Variants in FYN observed in about 807,000 individuals in gnomAD.
The protein encoded by FYN is tyrosine-protein kinase Fyn.
Under a neutral mutation model 70.2 loss-of-function variants are expected in FYN, and 10 were observed. That is an observed-to-expected ratio of 0.14 (90% confidence interval 0.09 to 0.24). The LOEUF (loss-of-function observed/expected upper bound fraction) is 0.24. FYN is among the 10% of genes least tolerant of loss of function. The probability of loss-of-function intolerance (pLI) is 1.00; values close to 1 mark genes in which losing one functional copy is unlikely to be tolerated. For missense variants in FYN, 319 were observed against 673.1 expected, an observed-to-expected ratio of 0.47 and a Z score of 5.82; for synonymous variants, 236 against 248.6, an observed-to-expected ratio of 0.95 and a Z score of 0.48.
chr6:111,744,970 T>C (rs1172562534), intron 3 of FYN, among the ~76,000 whole-genome samples: 1 of 152,018 alleles, frequency 6.6e-6, no homozygotes, highest in East Asian at 1.9e-4. Flanking sequence ...CTTGGAAAAA[T>C]AAAGCAAGGA....
intron 3 of FYN, among the ~76,000 whole-genome samples, chr6:111,771,751 T>G (rs1164128492): frequency 6.6e-6 from 1 of 152,214 alleles, no homozygotes; most frequent in East Asian, 1.9e-4. Flanking sequence ...AAAGTCGGAA[T>G]GGTTAACATA....
intron 3 of FYN, among the ~76,000 whole-genome samples, chr6:111,747,459 A>G (rs896652684): frequency 1.3e-5 from 2 of 152,240 alleles, no homozygotes; most frequent in African/African-American, 2.4e-5. Context: ...ATAACATCTA[A>G]AAAGTGTATT....
intron 3 of FYN, among the ~76,000 whole-genome samples, chr6:111,768,341 T>C (rs565774477): frequency 6.6e-6 from 1 of 152,370 alleles, no homozygotes; most frequent in South Asian, 2.1e-4. Flanking sequence ...GTTTCAACTG[T>C]GAGTTTGTCT....
At position 111,723,114 on chromosome 6, in the gene FYN, A is replaced by G. The variant is rs150642206; in HGVS notation, c.-11-3052T>C. ...ACTCCAGCAAAACAAAATAAGCCCC[A>G]TATAAGAACCCTGAAGAAAACAGGA... On this transcript the variant is annotated intron_variant, in intron 3 of 13. Coordinates refer to ENST00000354650, the MANE Select transcript of FYN (RefSeq NM_002037.5). Among the ~76,000 whole-genome samples the G allele has an allele frequency of 2.2e-4, 34 of 152,338 alleles. 1 individual carries two copies. In the East Asian group the frequency reaches 6.0e-3, roughly 27 times the overall value.
chr6:111,834,992 C>T (rs898118776), intron 2 of FYN, among the ~76,000 whole-genome samples: 36 of 152,306 alleles, frequency 2.4e-4, no homozygotes, highest in Admixed American at 2.0e-3. Flanking sequence ...TTTTCTGCTT[C>T]ACCCACAGTT....
At chr6:111,673,086 C>T (rs141047390) in intron 13 of FYN, among the ~76,000 whole-genome samples, 199 of 152,308 alleles carry the variant, frequency 1.3e-3, no homozygotes, top group African/African-American at 4.4e-3. Flanking sequence ...TGGGAGGGAT[C>T]AGGAAGAAAT....
intron 1 of FYN, among the ~76,000 whole-genome samples, chr6:111,851,781 T>C (rs1002014738): frequency 6.6e-6 from 1 of 152,030 alleles, no homozygotes; most frequent in Non-Finnish European, 1.5e-5. Context: ...GCAGGTAAGA[T>C]GAAGCTGGGT....
At chr6:111,727,681 C>T (rs1268852528) in intron 3 of FYN, among the ~76,000 whole-genome samples, 1 of 152,146 alleles carries the variant, frequency 6.6e-6, no homozygotes, top group Non-Finnish European at 1.5e-5. Context: ...TGAACCCATT[C>T]GATCATTTAC....
chr6:111,666,018 T>TTTTTTC (rs1162492364), intron 13 of FYN, among the ~76,000 whole-genome samples: 12 of 143,378 alleles, frequency 8.4e-5, no homozygotes, highest in East Asian at 4.2e-4. Context: ...TTTTTTTTTT[T>TTTTTTC]TGAGACAGAG....
chr6:111,737,134 C>G (rs2128475719), intron 3 of FYN, among the ~76,000 whole-genome samples: 1 of 152,326 alleles, frequency 6.6e-6, no homozygotes, highest in South Asian at 2.1e-4. Context: ...AGTTTCTCCT[C>G]TACTCTTACA....
chr6:111,764,985 G>GGGCC (rs1554286237), intron 3 of FYN, among the ~76,000 whole-genome samples: 1 of 147,862 alleles, frequency 6.8e-6, no homozygotes, highest in Non-Finnish European at 1.5e-5. Context: ...CCTCTCGGTG[G>GGGCC]GGCCGAAGCA....
At chr6:111,807,173 G>A (rs1311877499) in intron 2 of FYN, among the ~76,000 whole-genome samples, 1 of 152,160 alleles carries the variant, frequency 6.6e-6, no homozygotes, top group Admixed American at 6.5e-5. Flanking sequence ...AATATTTTTT[G>A]TAGGAAAACA....
intron 5 of FYN, among the ~76,000 whole-genome samples, chr6:111,712,055 G>T (rs1800405133): frequency 6.6e-6 from 1 of 152,150 alleles, no homozygotes; most frequent in Admixed American, 6.5e-5. Flanking sequence ...AGACGGATTG[G>T]ATCCTCCTTA....
intron 13 of FYN, among the ~76,000 whole-genome samples, chr6:111,664,172 C>A (rs1490471771): frequency 6.6e-6 from 1 of 152,248 alleles, no homozygotes; most frequent in East Asian, 1.9e-4. Context: ...TCTTTTAGTA[C>A]TGTCCTTGGT....
chr6:111,835,221 T>C (rs1030388805), intron 2 of FYN, among the ~76,000 whole-genome samples: 7 of 152,218 alleles, frequency 4.6e-5, no homozygotes, highest in Non-Finnish European at 1.0e-4. Context: ...CCAGAGAAAC[T>C]GTAACTACTG....
intron 3 of FYN, among the ~76,000 whole-genome samples, chr6:111,779,357 C>T (rs1231950655): frequency 1.3e-5 from 2 of 151,990 alleles, no homozygotes; most frequent in African/African-American, 2.4e-5. Context: ...GCAATTGGAT[C>T]CCTGTGAAGG....
At chr6:111,754,741 T>C (rs887664685) in intron 3 of FYN, 1 of 152,174 alleles carries the variant, frequency 6.6e-6, no homozygotes, top group African/African-American at 2.4e-5. Context: ...AGTAGTTTCC[T>C]GAGAGGCTTC....
At chr6:111,749,525 A>C (rs1237114969) in intron 3 of FYN, among the ~76,000 whole-genome samples, 1 of 152,214 alleles carries the variant, frequency 6.6e-6, no homozygotes, top group Non-Finnish European at 1.5e-5. Context: ...TGAACACAAA[A>C]TATTCTAAAA....
intron 2 of FYN, among the ~76,000 whole-genome samples, chr6:111,804,584 C>T (rs954353792): frequency 5.9e-5 from 9 of 152,202 alleles, no homozygotes; most frequent in African/African-American, 2.2e-4. Flanking sequence ...ACGTCCAATG[C>T]AATAAATGGC....
Sources: gnomAD v4.1 joint callset for allele counts (sites outside exome capture counted in the v4.1 genomes callset) on GRCh38, gnomAD v4.1.1 for gene constraint, MANE v1.5 for transcripts, NCBI Gene and HGNC (gene_info 2026-07-23, HGNC 2026-07-21) for gene names.